Variants in MED13L observed in about 807,000 individuals in gnomAD.
MED13L encodes mediator of RNA polymerase II transcription subunit 13-like.
Under a neutral mutation model 220.9 loss-of-function variants are expected in MED13L, and 7 were observed. That is an observed-to-expected ratio of 0.03 (90% CI 0.02 to 0.06). The LOEUF (loss-of-function observed/expected upper bound fraction) is 0.06. Ranked by LOEUF, MED13L falls within the 10% of genes least tolerant of loss-of-function variation. MED13L has a pLI of 1.00. For synonymous variants in MED13L, 1,011 were observed against 1,015.2 expected (o/e 1.00, Z 0.08); for missense variants, 1,965 against 2,760.5 (o/e 0.71, Z 6.46).
At chr12:115,975,765 A>G in intron 23 of MED13L, 27 bp from the exon 24 acceptor site, 1 of 1,597,188 alleles carries the variant, frequency 6.3e-7, no homozygotes, top group Non-Finnish European at 8.6e-7. Context: ...AATCAATATC[A>G]GTACAAAGCC....
Position 116,005,917 on chromosome 12 carries a change from C to A in MED13L, c.2421G>T (p.Leu807=), listed in dbSNP as rs553769419. Residue 807 remains leucine, a synonymous_variant, in exon 13 of 31, where the codon CTG becomes CTT. Transcript: ENST00000281928. The stretch of plus-strand genomic sequence containing the variant: ...TATCAAAGATGTTGTCTAAGTCATG[C>A]AGGGAAGGTGCCAAATCTGTTACCT... The part of the protein sequence containing the change: ...LTQVTDLAPS[L]HDLDNIFDNS... 3.1e-6 allele frequency: 5 copies of A among 1,613,950 alleles called. No individual in the cohort carries two copies. In the Admixed American group the frequency reaches 8.3e-5, roughly 27 times the overall value.
intron 2 of MED13L, among the ~76,000 whole-genome samples, chr12:116,189,074 C>T (rs957208167): frequency 2.2e-4 from 33 of 152,124 alleles, no homozygotes; most frequent in Non-Finnish European, 7.4e-5. Flanking sequence ...GGATAAATAT[C>T]CAGGAATACA....
intron 4 of MED13L, among the ~76,000 whole-genome samples, chr12:116,090,124 T>C (rs1168426780): frequency 6.6e-6 from 1 of 152,202 alleles, no homozygotes; most frequent in Non-Finnish European, 1.5e-5. Context: ...AGTACTTCCC[T>C]CATGCTACCA....
chr12:116,029,322 C>G (rs1293200217), intron 4 of MED13L, among the ~76,000 whole-genome samples: 1 of 149,836 alleles, frequency 6.7e-6, no homozygotes, highest in East Asian at 2.0e-4. Flanking sequence ...GGTAAAAAAC[C>G]ATTAAAAAAA....
At chr12:116,076,621 G>T (rs200173418) in intron 4 of MED13L, among the ~76,000 whole-genome samples, 1 of 152,302 alleles carries the variant, frequency 6.6e-6, no homozygotes, top group Admixed American at 6.5e-5. Context: ...TTCTGCAGAA[G>T]CAAGGGGTCA....
intron 30 of MED13L, 126 bp downstream of exon 30, chr12:115,963,281 T>C (rs1875900156): frequency 3.9e-6 from 3 of 773,272 alleles, no homozygotes; most frequent in Non-Finnish European, 6.8e-6. Flanking sequence ...ACTCATCAGA[T>C]ACTGTATCAC....
chr12:116,194,016 C>T (rs1228970978), intron 2 of MED13L, among the ~76,000 whole-genome samples: 1 of 152,112 alleles, frequency 6.6e-6, no homozygotes, highest in Non-Finnish European at 1.5e-5. Flanking sequence ...CAAAACTTTA[C>T]CAGAACCTAA....
chr12:116,162,283 C>T (rs1878916231), intron 2 of MED13L, among the ~76,000 whole-genome samples: 1 of 152,200 alleles, frequency 6.6e-6, no homozygotes, highest in Non-Finnish European at 1.5e-5. Flanking sequence ...ATTCCCACCT[C>T]ACAAAACCCA....
chr12:116,277,397 AGCCGCCGCCGCCGCCGCTGCTGCCGCT>A lies in MED13L; in HGVS notation c.-293_-267del. ...ACCGCCTCCGCCTTCCCTGCTCCTCAGCCGCCGCCGCCGCCGCTGCTGCCGCTGCCGCCGCCTTGTTTATCTCCAGCC... is the reference window on the plus strand; with the variant it reads ...ACCGCCTCCGCCTTCCCTGCTCCTCAGCCGCCGCCTTGTTTATCTCCAGCC... On this transcript the variant is annotated 5_prime_UTR_variant, in exon 1 of 31. Transcript: ENST00000281928. 7.7e-5 allele frequency: 1 copy of A among 13,046 alleles called. No homozygotes were observed. Among genetic ancestry groups the A allele is most frequent in the Non-Finnish European group, 1.1e-4 (1 of 8,992 alleles). 0.8% of individuals were successfully genotyped at this position (13,046 alleles called of 1,614,324 possible). A position where few individuals can be genotyped will look rare whatever the true frequency, so the allele number is the denominator to read the frequency against.
At chr12:116,141,303 T>C (rs1007726242) in intron 2 of MED13L, among the ~76,000 whole-genome samples, 2 of 152,192 alleles carry the variant, frequency 1.3e-5, no homozygotes, top group African/African-American at 4.8e-5. Flanking sequence ...CTATAAACAT[T>C]AGGTGGCAGC....
At chr12:116,183,803 G>GTGTGT (rs1555220605) in intron 2 of MED13L, among the ~76,000 whole-genome samples, 1 of 110,092 alleles carries the variant, frequency 9.1e-6, no homozygotes, top group Non-Finnish European at 1.9e-5. Context: ...TAGAAAAAAT[G>GTGTGT]GTGTGTGTGT....
rs190548015 is a variant in MED13L, at chr12:116,193,603, T to C, written c.310+43865A>G. Among the ~76,000 whole-genome samples, 8 of 84,266 alleles carry C rather than the reference T, an allele frequency of 9.5e-5. No homozygotes were observed. The East Asian group carries it at 1.0e-3, about 11-fold the overall frequency. 55.3% of individuals were successfully genotyped at this position (84,266 alleles called of 152,430 possible). ...GTCAAGATGAAGATTTAGTGTAAAGTAGAAATCTCTCAGAAAAAAAAAACT... is the reference window on the plus strand; with the variant it reads ...GTCAAGATGAAGATTTAGTGTAAAGCAGAAATCTCTCAGAAAAAAAAAACT... On this transcript the variant is annotated intron_variant, in intron 2 of 30. Coordinates refer to ENST00000281928, the MANE Select transcript of MED13L (RefSeq NM_015335.5).
At chr12:116,168,208 C>A (rs1243650806) in intron 2 of MED13L, among the ~76,000 whole-genome samples, 3 of 151,584 alleles carry the variant, frequency 2.0e-5, no homozygotes, top group Non-Finnish European at 4.4e-5. Flanking sequence ...ATTTATAAAC[C>A]CTATATGTTA....
chr12:116,179,907 T>C (rs1593135856), intron 2 of MED13L, among the ~76,000 whole-genome samples: 1 of 152,098 alleles, frequency 6.6e-6, no homozygotes, highest in Middle Eastern at 3.4e-3. Flanking sequence ...TTAAAAGGAG[T>C]GTAAGTAACT....
chr12:116,007,337 G>A, intron 11 of MED13L, 74 bp downstream of exon 11: 1 of 1,398,660 alleles, frequency 7.1e-7, no homozygotes, highest in Non-Finnish European at 1.0e-6. Context: ...TGCCTCCAAA[G>A]TCTTCCCACA....
chr12:116,062,751 A>G (rs994617130), intron 4 of MED13L, among the ~76,000 whole-genome samples: 4 of 152,058 alleles, frequency 2.6e-5, no homozygotes, highest in Middle Eastern at 3.2e-3. Flanking sequence ...CGGCCTCAGT[A>G]TATTTTTAAA....
At chr12:115,984,098 G>C in intron 20 of MED13L, 82 bp downstream of exon 20, 1 of 1,398,586 alleles carries the variant, frequency 7.2e-7, no homozygotes, top group East Asian at 2.4e-5. Flanking sequence ...GAAATATAAT[G>C]TTGCATCTAT....
At chr12:116,270,194 T>G (rs375455147) in intron 1 of MED13L, among the ~76,000 whole-genome samples, 7 of 151,374 alleles carry the variant, frequency 4.6e-5, no homozygotes, top group African/African-American at 1.7e-4. Context: ...CAGACTGGAG[T>G]GCAGTGGCAC....
chr12:116,148,490 T>C, intron 2 of MED13L: 1 of 295,288 alleles, frequency 3.4e-6, no homozygotes. Context: ...CAAAAGTGTT[T>C]TATATAGTAA....
Sources: allele counts gnomAD v4.1 joint callset (sites outside exome capture counted in the v4.1 genomes callset), GRCh38; gene constraint gnomAD v4.1.1; transcripts MANE v1.5; gene names NCBI Gene and HGNC (gene_info 2026-07-23, HGNC 2026-07-21).